The following EIF3B variants were observed in gnomAD, a reference collection of about 807,000 sequenced individuals.
EIF3B encodes eukaryotic translation initiation factor 3 subunit B, also known as eukaryotic translation initiation factor 3 subunit 9.
Under a neutral mutation model 104.6 loss-of-function variants are expected in EIF3B, and 10 were observed. The observed-to-expected ratio is 0.10, with a 90% CI of 0.06 to 0.16. The LOEUF (loss-of-function observed/expected upper bound fraction) is 0.16. Ranked by LOEUF, EIF3B falls within the 10% of genes least tolerant of loss-of-function variation. The pLI is 1.00. For missense variants in EIF3B, 1,014 were observed against 1,087.9 expected (o/e 0.93, Z 0.96); for synonymous variants, 542 against 417.2 (o/e 1.30, Z -3.65).
chr7:2,376,731 G>A (rs1054943977), intron 14 of EIF3B: 12 of 569,810 alleles, frequency 2.1e-5, no homozygotes, highest in African/African-American at 1.6e-4. Flanking sequence ...TGTGATGAGC[G>A]CTGCTCCAGC....
At position 2,380,449 on chromosome 7, in the gene EIF3B, C is replaced by G. The variant is rs756669116; in HGVS notation, c.*260C>G. The G allele has an allele frequency of 7.8e-6, 4 of 512,048 alleles. No individual in the cohort carries two copies. The highest frequency in any genetic ancestry group is 6.0e-5 in the Admixed American group (3 of 49,914). The allele number at this position is 512,048 out of a possible 1,614,324, so 31.7% of individuals were successfully genotyped here. On this transcript the variant is annotated 3_prime_UTR_variant, in exon 19 of 19. Coordinates refer to ENST00000360876, the MANE Select transcript of EIF3B (RefSeq NM_001037283.2). ...TCTGCAGTGGGGGATTTAAGGCACCCGCTTCCACTTCTTTCTTGTTTGGAG... is the reference window on the plus strand; with the variant it reads ...TCTGCAGTGGGGGATTTAAGGCACCGGCTTCCACTTCTTTCTTGTTTGGAG...
intron 2 of EIF3B, among the ~76,000 whole-genome samples, chr7:2,361,210 T>A (rs1280390034): frequency 6.6e-6 from 1 of 152,180 alleles, no homozygotes; most frequent in Non-Finnish European, 1.5e-5. Context: ...TGAGCTATGA[T>A]AACGTAGCTG....
Position 2,378,706 on chromosome 7 carries a change from G to C in EIF3B, c.2172G>C (p.Leu724=). The stretch of plus-strand genomic sequence containing the variant: ...TGTTTCAGCAAATTAAAAAGGATCT[G>C]AAGAAATACTCTAAGATCTTTGAAC... ...QEQIKQIKKD[L]KKYSKIFEQK... The change falls in exon 16 of 19, where the codon CTG becomes CTC. Residue 724 remains leucine, a synonymous_variant. Coordinates refer to ENST00000360876, the MANE Select transcript of EIF3B (RefSeq NM_001037283.2). 6.2e-7 allele frequency: 1 copy of C among 1,613,980 alleles called. No homozygotes were observed. The highest frequency in any genetic ancestry group is 1.1e-5 in the South Asian group (1 of 91,084).
At chr7:2,364,259 CAA>C (rs754839997) in intron 5 of EIF3B, 111 bp from the exon 6 acceptor site, 1,713 of 817,114 alleles carry the variant, frequency 2.1e-3, no homozygotes, top group Non-Finnish European at 2.3e-3. Context: ...GACTCCGTCT[CAA>C]AAAAAAAAAA....
intron 1 of EIF3B, among the ~76,000 whole-genome samples, chr7:2,358,935 C>T (rs1056061373): frequency 3.8e-4 from 58 of 152,228 alleles, no homozygotes; most frequent in Admixed American, 8.5e-4. Context: ...GTTATTTAAT[C>T]TCAGTGGGGG....
intron 1 of EIF3B, 75 bp downstream of exon 1, chr7:2,355,495 G>A: frequency 7.2e-7 from 1 of 1,395,274 alleles, no homozygotes; most frequent in South Asian, 1.5e-5. Flanking sequence ...AGATATCGTC[G>A]GGCTGTGCCA....
In EIF3B at chr7:2,379,232, G is replaced by C; in HGVS notation, c.2331G>C (p.Glu777Asp). 6.2e-7 allele frequency: 1 copy of C among 1,612,130 alleles called. No individual in the cohort carries two copies. The highest frequency in any genetic ancestry group is 2.2e-5 in the East Asian group (1 of 44,866). ...TGGAGCAGAAAAACGAGCGCCTGGA[G>C]TTGCGAGGAGGTAACTTAGAGATCC... ...LYMEQKNERL[E>D]LRGGVDTDEL... The change falls in exon 17 of 19, where the codon GAG (glutamate) becomes GAC (aspartate). Residue 777 changes from glutamate to aspartate, a missense_variant. This residue lies in a region of EIF3B where 266 missense variants were observed against 324.0 expected (regional missense o/e 0.82). Transcript: ENST00000360876.
chr7:2,373,385 G>A (rs1780463245), intron 12 of EIF3B: 1 of 152,448 alleles, frequency 6.6e-6, no homozygotes, highest in Non-Finnish European at 1.5e-5. Flanking sequence ...GCCATTGCTT[G>A]TTGCTTCATA....
rs1254766747 is a variant in EIF3B at position 2,374,609 on chromosome 7, A to G, written c.1889+3A>G. 6.2e-6 allele frequency: 10 copies of G among 1,613,824 alleles called. No individual in the cohort carries two copies. The highest frequency in any genetic ancestry group is 8.5e-6 in the Non-Finnish European group (10 of 1,179,746). On this transcript the variant is annotated splice_donor_region_variant and intron_variant, in intron 13 of 18. Coordinates refer to ENST00000360876, the MANE Select transcript of EIF3B (RefSeq NM_001037283.2). ...GTGGTGTTGGCGGGCCTGAGGAGGT[A>G]GGTGTCTGCGCTCTGAGCCTGTCCG... is the stretch of plus-strand genomic sequence containing the variant.
At position 2,360,858 on chromosome 7, in the gene EIF3B, A is replaced by C. The variant is rs776398952; in HGVS notation, c.648A>C (p.Lys216Asn). The change falls in exon 2 of 19, where the codon AAA (lysine) becomes AAC (asparagine). Residue 216 changes from lysine to asparagine, a missense_variant. Coordinates refer to ENST00000360876, the MANE Select transcript of EIF3B (RefSeq NM_001037283.2). ...VIHKIFSKFG[K>N]ITNDFYPEED... ...ACAAGATCTTTTCCAAGTTTGGGAA[A>C]ATCACAAATGATTTTTATCCTGAAG... 1 of 1,613,920 alleles carries C rather than the reference A, an allele frequency of 6.2e-7. No homozygotes were observed. The highest frequency in any genetic ancestry group is 1.7e-5 in the Admixed American group (1 of 60,010).
At chr7:2,366,725 CT>C in intron 8 of EIF3B, 134 bp downstream of exon 8, 2 of 1,032,966 alleles carry the variant, frequency 1.9e-6, no homozygotes, top group Non-Finnish European at 2.9e-6. Context: ...TCTCCTGTGC[CT>C]TTTTAACTGC....
upstream of EIF3B, chr7:2,354,416 G>A (rs114749401): frequency 2.0e-5 from 3 of 152,226 alleles, no homozygotes; most frequent in African/African-American, 7.2e-5. Flanking sequence ...CAGACGCCCT[G>A]AGCAATCGCC....
chr7:2,355,259 G>C lies in EIF3B; in HGVS notation c.338G>C (p.Arg113Pro), dbSNP rs1034867264. 1.2e-5 allele frequency: 19 copies of C among 1,530,494 alleles called. No individual in the cohort carries two copies. The highest frequency in any genetic ancestry group is 1.5e-5 in the Non-Finnish European group (17 of 1,145,248). 94.8% of individuals were successfully genotyped at this position (1,530,494 alleles called of 1,614,324 possible). Residue 113 changes from arginine to proline, a missense_variant, in exon 1 of 19, where the codon CGG becomes CCG. This residue lies in a region of EIF3B where 488 missense variants were observed against 404.3 expected (regional missense o/e 1.21). Coordinates refer to ENST00000360876, the MANE Select transcript of EIF3B (RefSeq NM_001037283.2). ...AQGEAPGEQA[R>P]DERSDSRAQA... ...GGCGAGGCCCCAGGAGAGCAGGCTC[G>C]GGACGAGCGCTCCGACAGCCGGGCC...
intron 1 of EIF3B, among the ~76,000 whole-genome samples, chr7:2,356,006 T>A: frequency 6.6e-6 from 1 of 152,218 alleles, no homozygotes; most frequent in Non-Finnish European, 1.5e-5. Flanking sequence ...TTTCCAGGTT[T>A]TAATATTGCC....
chr7:2,363,569 A>G, intron 4 of EIF3B, 63 bp from the exon 5 acceptor site: 2 of 1,451,086 alleles, frequency 1.4e-6, no homozygotes, highest in Non-Finnish European at 1.9e-6. Context: ...TAAGAGCAAT[A>G]GTTGTGAATG....
Position 2,368,287 on chromosome 7 carries a change from C to T in EIF3B, c.1404-1185C>T, listed in dbSNP as rs754291270. ...TCTCCTGAGTAGCTGGAATTACAGG[C>T]GCGCAACCACTACGCCCAGCTAATT... On this transcript the variant is annotated intron_variant, in intron 9 of 18. Coordinates refer to ENST00000360876, the MANE Select transcript of EIF3B (RefSeq NM_001037283.2). Among the ~76,000 whole-genome samples the T allele has an allele frequency of 4.5e-4, 68 of 151,932 alleles. 1 individual carries two copies. Among genetic ancestry groups the T allele is most frequent in the Admixed American group, 4.1e-3 (62 of 15,238 alleles).
In EIF3B at chr7:2,379,760, A is replaced by G. The variant is rs73673818; in HGVS notation, c.*14+249A>G. On this transcript the variant is annotated intron_variant, in intron 18 of 18. Transcript: ENST00000360876. ...GCTGGGTGAGGGAGGAGCTGTGGCC[A>G]GGTGTTGGGAAGTGCCAGGAAGAGG... 2,850 of 487,390 alleles carry G rather than the reference A, an allele frequency of 5.8e-3. 64 individuals are homozygous for G. Among genetic ancestry groups the G allele is most frequent in the African/African-American group, 0.051 (2,627 of 51,180 alleles). 30.2% of individuals were successfully genotyped at this position (487,390 alleles called of 1,614,324 possible).
intron 12 of EIF3B, 28 bp from the exon 13 acceptor site, chr7:2,374,500 T>A (rs1780531143): frequency 1.2e-6 from 2 of 1,611,986 alleles, no homozygotes; most frequent in Non-Finnish European, 1.7e-6. Context: ...CCCTCGCAGC[T>A]CGTGACAGGC....
At chr7:2,374,735 C>T in intron 13 of EIF3B, 129 bp downstream of exon 13, 4 of 789,316 alleles carry the variant, frequency 5.1e-6, no homozygotes, top group Non-Finnish European at 6.1e-6. Context: ...GCCCCAGTGT[C>T]AGTGGATAGG....
Sources: allele counts gnomAD v4.1 joint callset (sites outside exome capture counted in the v4.1 genomes callset), GRCh38; gene constraint gnomAD v4.1.1; regional missense constraint gnomAD v4.1.1; transcripts MANE v1.5; gene names NCBI Gene and HGNC (gene_info 2026-07-23, HGNC 2026-07-21).